Variants in ASTN2 observed in about 807,000 individuals in gnomAD.
ASTN2 encodes astrotactin 2.
In ASTN2, 54 loss-of-function variants were observed where a neutral mutation model predicts 139.8. The ratio of observed to expected loss-of-function variants is 0.39; its 90% confidence interval spans 0.31 to 0.48. The LOEUF (loss-of-function observed/expected upper bound fraction) is 0.48, where lower values mean the gene tolerates loss of function less well. Among genes scored for constraint, ASTN2 ranks in the 20% least tolerant of loss-of-function variants. ASTN2 has a pLI of 0.95. For missense variants in ASTN2, 1,565 were observed against 1,725.1 expected (o/e 0.91, Z 1.64); for synonymous variants, 756 against 719.5 (o/e 1.05, Z -0.81).
intron 5 of ASTN2, among the ~76,000 whole-genome samples, chr9:117,059,919 C>T (rs892258006): frequency 1.3e-5 from 2 of 152,142 alleles, no homozygotes; most frequent in African/African-American, 4.8e-5. Flanking sequence ...GGGATGGGAA[C>T]AGTGGTTTCC....
chr9:117,227,903 A>G lies in ASTN2; in HGVS notation c.631-13161T>C, dbSNP rs201554579. On this transcript the variant is annotated intron_variant, in intron 2 of 22. Coordinates refer to ENST00000313400, the MANE Select transcript of ASTN2 (RefSeq NM_001365068.1). Reference sequence around the variant, plus strand: ...TCAAGCACAATCACTTTACACAGAAAGCAACCTGATAGCTGTATCTATTTG... The same window carrying G: ...TCAAGCACAATCACTTTACACAGAAGGCAACCTGATAGCTGTATCTATTTG... 2.3e-4 allele frequency among the ~76,000 whole-genome samples: 35 copies of G among 152,340 alleles called. No individual in the cohort carries two copies. The East Asian group carries it at 6.4e-3, about 28-fold the overall frequency.
rs138332171 is a variant in ASTN2, at chr9:117,307,279, C to T, written c.443-15766G>A. On this transcript the variant is annotated intron_variant, in intron 1 of 22. Coordinates refer to ENST00000313400, the MANE Select transcript of ASTN2 (RefSeq NM_001365068.1). ...GTTCACATATGGCTGTTTCCTCATA[C>T]GCATGCATGTCTGCACAGACTGATG... is the stretch of plus-strand genomic sequence containing the variant. 4.2e-3 allele frequency among the ~76,000 whole-genome samples: 637 copies of T among 152,294 alleles called. 5 individuals carry two copies. The highest frequency in any genetic ancestry group is 5.4e-3 in the Non-Finnish European group (368 of 68,024).
intron 22 of ASTN2, among the ~76,000 whole-genome samples, chr9:116,428,923 A>G (rs537611434): frequency 6.6e-6 from 1 of 152,314 alleles, no homozygotes; most frequent in Admixed American, 6.5e-5. Flanking sequence ...TTGTCTTGAG[A>G]GTAAGTGGGA....
At chr9:116,584,935 A>G (rs1431161591) in intron 19 of ASTN2, 3 of 152,216 alleles carry the variant, frequency 2.0e-5, no homozygotes, top group Admixed American at 1.3e-4. Flanking sequence ...GTACTCCAAG[A>G]CAAAGAATGG....
At chr9:116,796,484 T>C (rs1053600879) in intron 13 of ASTN2, among the ~76,000 whole-genome samples, 2 of 152,174 alleles carry the variant, frequency 1.3e-5, no homozygotes, top group African/African-American at 2.4e-5. Context: ...TGCTATGTTT[T>C]GTGTCAGATG....
chr9:116,948,603 C>A (rs1249261058), intron 10 of ASTN2, among the ~76,000 whole-genome samples: 3 of 151,738 alleles, frequency 2.0e-5, no homozygotes, highest in Non-Finnish European at 4.4e-5. Context: ...CTGGATACTA[C>A]ATATGCTCAT....
chr9:117,236,198 C>T (rs1013334484), intron 2 of ASTN2, among the ~76,000 whole-genome samples: 3 of 152,206 alleles, frequency 2.0e-5, no homozygotes, highest in Admixed American at 6.5e-5. Context: ...GATGGAACTC[C>T]ACACTCAATA....
At chr9:116,477,283 T>A (rs1849011645) in intron 20 of ASTN2, among the ~76,000 whole-genome samples, 1 of 151,990 alleles carries the variant, frequency 6.6e-6, no homozygotes, top group South Asian at 2.1e-4. Flanking sequence ...GGACAGCTAT[T>A]CCCCTCTCCC....
intron 6 of ASTN2, among the ~76,000 whole-genome samples, chr9:117,022,614 A>C (rs1179647815): frequency 6.6e-6 from 1 of 152,152 alleles, no homozygotes; most frequent in Non-Finnish European, 1.5e-5. Flanking sequence ...AGGTGGGGGC[A>C]AATTCCTTTA....
At chr9:116,691,950 G>A (rs963716746) in intron 16 of ASTN2, among the ~76,000 whole-genome samples, 4 of 152,230 alleles carry the variant, frequency 2.6e-5, no homozygotes, top group South Asian at 4.1e-4. Context: ...TTTATGTCTT[G>A]TGAAAGGAAA....
intron 4 of ASTN2, 146 bp downstream of exon 4, chr9:117,141,180 G>T: frequency 1.2e-6 from 1 of 856,898 alleles, no homozygotes; most frequent in Non-Finnish European, 1.6e-6. Flanking sequence ...TAGGTCTGCA[G>T]CCTCCAAGGG....
intron 3 of ASTN2, among the ~76,000 whole-genome samples, chr9:117,209,620 T>C (rs1564479957): frequency 6.6e-6 from 1 of 152,110 alleles, no homozygotes; most frequent in Non-Finnish European, 1.5e-5. Context: ...GACCTCAACA[T>C]TTTATTCTCA....
chr9:117,141,407 T>A lies in ASTN2; in HGVS notation c.1087A>T (p.Thr363Ser), dbSNP rs1476213633. 7.3e-7 allele frequency: 1 copy of A among 1,367,494 alleles called. No individual in the cohort carries two copies. The allele number at this position is 1,367,494 out of a possible 1,614,324, so 84.7% of individuals were successfully genotyped here. A position where few individuals can be genotyped will look rare whatever the true frequency, so the allele number is the denominator to read the frequency against. ...QKFKESFRANTPIEIGQLQPP... is the reference protein window; with the variant it reads ...QKFKESFRANSPIEIGQLQPP... ...TGCAGCTGACCGATCTCGATGGGCG[T>A]GTTAGCGCGGAAACTCTCCTTGAAC... The change falls in exon 4 of 23, where the codon ACG (threonine) becomes TCG (serine). Residue 363 changes from threonine to serine, a missense_variant. Physicochemically the swap from Thr to Ser is moderately conservative, Grantham distance 58. This residue lies in a region of ASTN2 where 596 missense variants were observed against 576.8 expected (regional missense o/e 1.03). Coordinates refer to ENST00000313400, the MANE Select transcript of ASTN2 (RefSeq NM_001365068.1).
Position 117,096,102 on chromosome 9 carries a change from G to A in ASTN2, c.1218C>T (p.Asp406=), listed in dbSNP as rs373796089. ...TGTAGAATGTCAGCTGAGTTTCATC[G>A]TCTGCCTCTGAGCCCGACGTCCCCT... is the stretch of plus-strand genomic sequence containing the variant. ...RAKGTSGSEA[D]DETQLTFYTE... Residue 406 remains aspartate (D), a synonymous_variant, in exon 5 of 23, where the codon GAC becomes GAT. Coordinates refer to ENST00000313400, the MANE Select transcript of ASTN2 (RefSeq NM_001365068.1). 20 of 1,613,876 alleles carry A rather than the reference G, an allele frequency of 1.2e-5. No homozygotes were observed. The African/African-American group carries it at 1.3e-4, about 11-fold the overall frequency.
chr9:116,984,142 C>A (rs1023106434), intron 7 of ASTN2, among the ~76,000 whole-genome samples: 2 of 152,190 alleles, frequency 1.3e-5, no homozygotes, highest in African/African-American at 4.8e-5. Context: ...ATATCTGAAT[C>A]CCACTGATTC....
chr9:117,051,651 T>C (rs1838915532), intron 5 of ASTN2, among the ~76,000 whole-genome samples: 1 of 152,216 alleles, frequency 6.6e-6, no homozygotes, highest in Non-Finnish European at 1.5e-5. Context: ...CATTCTTTTA[T>C]TTCAAAGACA....
At chr9:116,967,751 ATCCT>A (rs1836058404) in intron 10 of ASTN2, among the ~76,000 whole-genome samples, 1 of 152,150 alleles carries the variant, frequency 6.6e-6, no homozygotes, top group African/African-American at 2.4e-5. Flanking sequence ...TGCTGCCGGG[ATCCT>A]TCTCAAGCCA....
chr9:116,884,804 C>CG (rs367602605), intron 10 of ASTN2, among the ~76,000 whole-genome samples: 1 of 45,548 alleles, frequency 2.2e-5, no homozygotes, highest in African/African-American at 2.2e-4. Flanking sequence ...CAAATATCCG[C>CG]CCCCCCCCCA....
At chr9:116,510,373 G>T (rs1850319570) in intron 19 of ASTN2, among the ~76,000 whole-genome samples, 1 of 149,822 alleles carries the variant, frequency 6.7e-6, no homozygotes, top group Admixed American at 6.6e-5. Flanking sequence ...TATATCTCTG[G>T]GTACAAGTAC....
Sources: allele counts gnomAD v4.1 joint callset (sites outside exome capture counted in the v4.1 genomes callset), GRCh38; gene constraint gnomAD v4.1.1; regional missense constraint gnomAD v4.1.1; transcripts MANE v1.5; gene names NCBI Gene and HGNC (gene_info 2026-07-23, HGNC 2026-07-21).